XRN2: variants seen among roughly 807,000 people sequenced by gnomAD.
The protein encoded by XRN2 is DHM1-like protein.
In XRN2, 44 loss-of-function variants were observed where a neutral mutation model predicts 138.5. The ratio of observed to expected loss-of-function variants is 0.32; its 90% CI spans 0.25 to 0.41. The LOEUF is 0.41. Among genes scored for constraint, XRN2 ranks in the 10% least tolerant of loss-of-function variants. The pLI is 1.00. For synonymous variants in XRN2, 354 were observed against 369.4 expected, an observed-to-expected ratio of 0.96 and a Z score of 0.48; for missense variants, 937 against 1,169.3, an observed-to-expected ratio of 0.80 and a Z score of 2.90.
intron 19 of XRN2, 85 bp from the exon 20 acceptor site, chr20:21,349,304 T>G: frequency 1.1e-6 from 1 of 951,794 alleles, no homozygotes; most frequent in Non-Finnish European, 1.7e-6. Flanking sequence ...TCAGACCTTA[T>G]AACTTGAATG....
At chr20:21,315,925 C>A (rs1215629908) in intron 1 of XRN2, among the ~76,000 whole-genome samples, 2 of 152,226 alleles carry the variant, frequency 1.3e-5, no homozygotes, top group Middle Eastern at 3.2e-3. Context: ...GATTGTCTTT[C>A]CACTTTCTTG....
At chr20:21,315,414 C>T (rs779877208) in intron 1 of XRN2, among the ~76,000 whole-genome samples, 6 of 152,156 alleles carry the variant, frequency 3.9e-5, no homozygotes, top group Non-Finnish European at 7.4e-5. Flanking sequence ...GATGACTAGT[C>T]GTGTTGAGCA....
chr20:21,336,947 TG>T (rs1600690174), intron 13 of XRN2, among the ~76,000 whole-genome samples: 1 of 152,152 alleles, frequency 6.6e-6, no homozygotes, highest in Non-Finnish European at 1.5e-5. Context: ...GCCAAGGCCC[TG>T]GGGCAGGAAC....
At chr20:21,347,409 C>T (rs570260071) in intron 17 of XRN2, among the ~76,000 whole-genome samples, 2 of 152,112 alleles carry the variant, frequency 1.3e-5, no homozygotes, top group Non-Finnish European at 2.9e-5. Flanking sequence ...TATCTGGTTT[C>T]GTGCTTAGAG....
chr20:21,328,717 C>A, intron 4 of XRN2, 47 bp downstream of exon 4: 1 of 1,555,600 alleles, frequency 6.4e-7, no homozygotes, highest in Non-Finnish European at 8.8e-7. Flanking sequence ...AAGATGTATG[C>A]AGAATGAGGG....
At chr20:21,388,533 C>T (rs1342353576) in intron 29 of XRN2, among the ~76,000 whole-genome samples, 1 of 151,972 alleles carries the variant, frequency 6.6e-6, no homozygotes, top group Non-Finnish European at 1.5e-5. Flanking sequence ...TTTATATGAC[C>T]AAACAAGGCC....
chr20:21,353,359 C>T (rs2038536659), intron 20 of XRN2, among the ~76,000 whole-genome samples: 1 of 149,594 alleles, frequency 6.7e-6, no homozygotes, highest in African/African-American at 2.5e-5. Context: ...AATGTTTTAG[C>T]AATTTCCTGG....
chr20:21,373,646 G>T (rs894002997), intron 27 of XRN2, among the ~76,000 whole-genome samples: 1 of 152,218 alleles, frequency 6.6e-6, no homozygotes, highest in African/African-American at 2.4e-5. Flanking sequence ...CCTTGGTGTT[G>T]TCAGTCTTTG....
intron 28 of XRN2, among the ~76,000 whole-genome samples, chr20:21,382,904 T>G (rs1221314002): frequency 6.6e-6 from 1 of 152,228 alleles, no homozygotes; most frequent in African/African-American, 2.4e-5. Context: ...AGCCCCATCA[T>G]AATAAGGCTT....
chr20:21,311,066 A>C (rs2037874676), intron 1 of XRN2, among the ~76,000 whole-genome samples: 1 of 152,074 alleles, frequency 6.6e-6, no homozygotes, highest in African/African-American at 2.4e-5. Flanking sequence ...TGGCTTTTTT[A>C]TACAGTTTGA....
At chr20:21,352,854 TG>T (rs1421392898) in intron 20 of XRN2, among the ~76,000 whole-genome samples, 1 of 152,116 alleles carries the variant, frequency 6.6e-6, no homozygotes, top group Non-Finnish European at 1.5e-5. Flanking sequence ...TACCAGTACT[TG>T]GGCTCCCTCT....
chr20:21,312,901 C>T (rs567733083), intron 1 of XRN2, among the ~76,000 whole-genome samples: 3 of 152,218 alleles, frequency 2.0e-5, no homozygotes, highest in Admixed American at 2.0e-4. Flanking sequence ...CATGCCTGGG[C>T]CCTAGATAAA....
At chr20:21,325,764 G>A (rs1453472782) in intron 1 of XRN2, among the ~76,000 whole-genome samples, 4 of 152,150 alleles carry the variant, frequency 2.6e-5, no homozygotes, top group African/African-American at 4.8e-5. Flanking sequence ...GATTAAGGAC[G>A]TACACTTTTA....
chr20:21,312,749 A>C (rs1175174935), intron 1 of XRN2, among the ~76,000 whole-genome samples: 1 of 151,838 alleles, frequency 6.6e-6, no homozygotes, highest in Non-Finnish European at 1.5e-5. Flanking sequence ...TGGGACAACC[A>C]GTGTGCACCA....
Position 21,333,825 on chromosome 20 carries a change from C to G in XRN2, c.1055C>G (p.Ser352Trp), listed in dbSNP as rs1322060546. 1.9e-6 allele frequency: 3 copies of G among 1,613,956 alleles called. No individual in the cohort carries two copies. The highest frequency in any genetic ancestry group is 2.5e-6 in the Non-Finnish European group (3 of 1,180,010). Reference sequence around the variant, plus strand: ...AATGACTTCCTCCCTCATTTGCCATCGTTAGAGATTAGGTATGTGCATTTG... The same window carrying G: ...AATGACTTCCTCCCTCATTTGCCATGGTTAGAGATTAGGTATGTGCATTTG... ...VGNDFLPHLP[S>W]LEIRENAIDR... is the part of the protein sequence containing the mutation. The change falls in exon 11 of 30, where the codon TCG becomes TGG. Residue 352 changes from serine (S) to tryptophan (W), a missense_variant. Transcript: ENST00000377191.
chr20:21,357,936 C>G, intron 24 of XRN2, 144 bp downstream of exon 24: 1 of 557,472 alleles, frequency 1.8e-6, no homozygotes. Flanking sequence ...TGTTGCAGAC[C>G]TTACAGCAGA....
chr20:21,325,488 A>T (rs751678496), intron 1 of XRN2, among the ~76,000 whole-genome samples: 1 of 152,228 alleles, frequency 6.6e-6, no homozygotes, highest in Admixed American at 6.5e-5. Context: ...GGAGATATGT[A>T]CAAGGTGTTA....
At chr20:21,384,768 C>T (rs537084368) in intron 28 of XRN2, among the ~76,000 whole-genome samples, 2 of 152,336 alleles carry the variant, frequency 1.3e-5, no homozygotes, top group South Asian at 2.1e-4. Flanking sequence ...GCCGGGATTA[C>T]AGGCTGAGTT....
chr20:21,312,362 G>A (rs2037893114), intron 1 of XRN2, among the ~76,000 whole-genome samples: 1 of 152,026 alleles, frequency 6.6e-6, no homozygotes. Context: ...CTGACTTCCT[G>A]GAATTACAGG....
Sources: gnomAD v4.1 joint callset for allele counts (sites outside exome capture counted in the v4.1 genomes callset) on GRCh38, gnomAD v4.1.1 for gene constraint, MANE v1.5 for transcripts, NCBI Gene and HGNC (gene_info 2026-07-23, HGNC 2026-07-21) for gene names.